MIPEP: variants seen among roughly 807,000 people sequenced by gnomAD.
MIPEP encodes mitochondrial intermediate peptidase.
A neutral mutation model predicts 90.3 loss-of-function variants in MIPEP; 79 were observed. The ratio of observed to expected loss-of-function variants is 0.87; its 90% CI spans 0.73 to 1.05. The LOEUF (loss-of-function observed/expected upper bound fraction) is 1.05, where lower values mean the gene tolerates loss of function less well. MIPEP is among the 50% of genes least tolerant of loss of function. The pLI is 0.00. For synonymous variants in MIPEP, 334 were observed against 315.8 expected (o/e 1.06, Z -0.61); for missense variants, 940 against 905.6 (o/e 1.04, Z -0.49).
intron 9 of MIPEP, among the ~76,000 whole-genome samples, chr13:23,859,978 T>C (rs530773293): frequency 5.3e-5 from 8 of 152,244 alleles, no homozygotes; most frequent in Non-Finnish European, 8.8e-5. Context: ...ACTGCGTCCA[T>C]GGAACCCTAG....
At chr13:23,836,413 T>C in intron 13 of MIPEP, 64 bp from the exon 14 acceptor site, 1 of 934,014 alleles carries the variant, frequency 1.1e-6, no homozygotes. Flanking sequence ...ACTTTTTGTG[T>C]GCCCTTTAAA....
At chr13:23,883,148 C>G (rs1871337121) in intron 2 of MIPEP, among the ~76,000 whole-genome samples, 1 of 151,820 alleles carries the variant, frequency 6.6e-6, no homozygotes, top group Non-Finnish European at 1.5e-5. Flanking sequence ...CAGGTAATAT[C>G]TTAAAAATTC....
At position 23,776,531 on chromosome 13, in the gene MIPEP, A is replaced by G. The variant is rs189575333; in HGVS notation, c.1849-16314T>C. On this transcript the variant is annotated intron_variant, in intron 16 of 18. Coordinates refer to ENST00000382172, the MANE Select transcript of MIPEP (RefSeq NM_005932.4). ...AGCACTGCATTGTATCATTTTTCAC[A>G]CTGTCTTGTACATGTATATATCATC... is the stretch of plus-strand genomic sequence containing the variant. Among the ~76,000 whole-genome samples, 4 of 152,288 alleles carry G rather than the reference A, an allele frequency of 2.6e-5. No homozygotes were observed. In the East Asian group the frequency reaches 7.7e-4, roughly 29 times the overall value.
At chr13:23,854,092 G>A (rs12876437) in intron 10 of MIPEP, among the ~76,000 whole-genome samples, 89,349 of 151,096 alleles carry the variant, frequency 0.59, 30,109 homozygotes, top group East Asian at 0.94. Flanking sequence ...TTGGGAGGCC[G>A]AGGTGGGCGG....
chr13:23,786,141 T>C (rs1032734213), intron 16 of MIPEP, among the ~76,000 whole-genome samples: 1 of 151,738 alleles, frequency 6.6e-6, no homozygotes, highest in African/African-American at 2.4e-5. Context: ...GTGGGAGGAC[T>C]GCTTGAGCCC....
chr13:23,810,422 T>G (rs1196945758), intron 14 of MIPEP, among the ~76,000 whole-genome samples: 2 of 152,254 alleles, frequency 1.3e-5, no homozygotes, highest in African/African-American at 4.8e-5. Context: ...TATTTTCTTT[T>G]CGAATCTGAA....
At chr13:23,800,474 G>A (rs1243572172) in intron 16 of MIPEP, among the ~76,000 whole-genome samples, 1 of 152,174 alleles carries the variant, frequency 6.6e-6, no homozygotes, top group South Asian at 2.1e-4. Context: ...AACAGCAGAA[G>A]GTGAGCCTGT....
intron 12 of MIPEP, among the ~76,000 whole-genome samples, chr13:23,838,720 A>G (rs74041414): frequency 0.022 from 3,282 of 152,280 alleles, 129 homozygotes; most frequent in African/African-American, 0.075. Context: ...ATTAGGAGCC[A>G]GGGCTCCTAA....
chr13:23,876,312 C>T (rs1369166021), intron 4 of MIPEP, among the ~76,000 whole-genome samples: 1 of 152,202 alleles, frequency 6.6e-6, no homozygotes, highest in African/African-American at 2.4e-5. Context: ...CAGAGCAGAG[C>T]ACTTTACACA....
intron 16 of MIPEP, among the ~76,000 whole-genome samples, chr13:23,800,358 T>C (rs1953020175): frequency 6.6e-6 from 1 of 152,068 alleles, no homozygotes; most frequent in African/African-American, 2.4e-5. Flanking sequence ...GAATTAAAAA[T>C]AGGAGAGATA....
intron 10 of MIPEP, among the ~76,000 whole-genome samples, chr13:23,844,734 A>G (rs1824529414): frequency 6.6e-6 from 1 of 152,210 alleles, no homozygotes; most frequent in Admixed American, 6.5e-5. Flanking sequence ...AGCTTATTTT[A>G]CTAAACTATA....
At chr13:23,756,126 A>C (rs1286665872) in intron 18 of MIPEP, among the ~76,000 whole-genome samples, 1 of 152,196 alleles carries the variant, frequency 6.6e-6, no homozygotes, top group African/African-American at 2.4e-5. Context: ...AACACAATGC[A>C]CAGCTAAGAC....
rs1593151729 is a variant in MIPEP, at chr13:23,783,097, C to G, written c.1848+22853G>C. Among the ~76,000 whole-genome samples the G allele has an allele frequency of 2.6e-5, 4 of 152,310 alleles. No individual in the cohort carries two copies. The East Asian group carries it at 7.7e-4, about 29-fold the overall frequency. ...TAGAAAAAGAGGGAATCCTCCCTAA[C>G]TCATTTTATGAGGCCAGCATCATCC... On this transcript the variant is annotated intron_variant, in intron 16 of 18. Coordinates refer to ENST00000382172, the MANE Select transcript of MIPEP (RefSeq NM_005932.4).
In MIPEP at chr13:23,819,952, T is replaced by G. The variant is rs187417225; in HGVS notation, c.1654-10028A>C. On this transcript the variant is annotated intron_variant, in intron 14 of 18. Transcript: ENST00000382172. ...TGAACCTAGGAGGCAGAGGTTGCAG[T>G]GAGCTGAGATTGCATCCTTGCACTC... Among the ~76,000 whole-genome samples, 1,154 of 151,608 alleles carry G rather than the reference T, an allele frequency of 7.6e-3. 6 individuals carry two copies. The highest frequency in any genetic ancestry group is 0.011 in the Non-Finnish European group (737 of 67,920).
chr13:23,785,624 T>TAAAAAAAAAAA (rs67915328), intron 16 of MIPEP, among the ~76,000 whole-genome samples: 13 of 119,246 alleles, frequency 1.1e-4, no homozygotes, highest in South Asian at 2.4e-4. Context: ...TAAAGTATAA[T>TAAAAAAAAAAA]AAAAAAAAAA....
At chr13:23,739,458 C>T (rs543613850) in intron 18 of MIPEP, among the ~76,000 whole-genome samples, 17 of 152,350 alleles carry the variant, frequency 1.1e-4, no homozygotes, top group Middle Eastern at 3.4e-3. Flanking sequence ...GAAACACACA[C>T]CTAAGAAGCT....
At chr13:23,853,636 C>T (rs745511160) in intron 10 of MIPEP, among the ~76,000 whole-genome samples, 1 of 151,800 alleles carries the variant, frequency 6.6e-6, no homozygotes, top group Non-Finnish European at 1.5e-5. Context: ...TCTCTGCTTA[C>T]TGCAACCTCC....
At chr13:23,835,643 A>G (rs1224780029) in intron 14 of MIPEP, among the ~76,000 whole-genome samples, 2 of 152,248 alleles carry the variant, frequency 1.3e-5, no homozygotes, top group Non-Finnish European at 2.9e-5. Flanking sequence ...TCCAATGTAC[A>G]CATGGACAGT....
In MIPEP at chr13:23,790,468, T is replaced by C. The variant is rs4769289; in HGVS notation, c.1848+15482A>G. 0.024 allele frequency among the ~76,000 whole-genome samples: 3,722 copies of C among 152,268 alleles called. 373 individuals are homozygous for C. In the East Asian group the frequency reaches 0.32, roughly 13 times the overall value. On this transcript the variant is annotated intron_variant, in intron 16 of 18. Coordinates refer to ENST00000382172, the MANE Select transcript of MIPEP (RefSeq NM_005932.4). ...AATGTCACCTTATTTGGGAAAAAAA[T>C]GGACTTTGCAGATGTGATTAAGCTA...
Sources: allele counts gnomAD v4.1 joint callset (sites outside exome capture counted in the v4.1 genomes callset), GRCh38; gene constraint gnomAD v4.1.1; transcripts MANE v1.5; gene names NCBI Gene and HGNC (gene_info 2026-07-23, HGNC 2026-07-21).